The following CSNK2A2IP variants were observed in gnomAD, a reference collection of about 807,000 sequenced individuals.
The protein encoded by CSNK2A2IP is casein kinase 2 subunit alpha' interacting protein.
chr3:88,397,764 T>TC, the CSNK2A2IP span, among the ~76,000 whole-genome samples: 1 of 53,084 alleles, frequency 1.9e-5, no homozygotes, highest in East Asian at 4.5e-4. Flanking sequence ...ATCTCCTATC[T>TC]CTTTTTTTTT....
At chr3:88,351,878 A>T in the CSNK2A2IP span, among the ~76,000 whole-genome samples, 1 of 152,046 alleles carries the variant, frequency 6.6e-6, no homozygotes, top group Non-Finnish European at 1.5e-5. Context: ...AAGTCACCAG[A>T]TTTTCAGAGT....
At chr3:88,411,339 ACTCT>A in the CSNK2A2IP span, among the ~76,000 whole-genome samples, 6 of 149,684 alleles carry the variant, frequency 4.0e-5, no homozygotes, top group African/African-American at 7.5e-5. Flanking sequence ...TAGCTCACTC[ACTCT>A]ATCTATCATC....
chr3:88,460,434 C>G, the CSNK2A2IP span, among the ~76,000 whole-genome samples: 2 of 152,146 alleles, frequency 1.3e-5, no homozygotes, highest in Admixed American at 6.5e-5. Context: ...ACGTTCTTCA[C>G]TACCTGCCCC....
chr3:88,441,662 T>C, the CSNK2A2IP span, among the ~76,000 whole-genome samples: 4 of 152,176 alleles, frequency 2.6e-5, no homozygotes, highest in African/African-American at 9.6e-5. Flanking sequence ...CTTGTGTAGT[T>C]AGGTAGAATT....
At chr3:88,446,105 T>TTTC in the CSNK2A2IP span, among the ~76,000 whole-genome samples, 1 of 145,740 alleles carries the variant, frequency 6.9e-6, no homozygotes, top group East Asian at 2.0e-4. Context: ...TTTCTTTTTT[T>TTTC]CTTTCTTTCT....
chr3:88,396,807 G>T, the CSNK2A2IP span, among the ~76,000 whole-genome samples: 2 of 152,172 alleles, frequency 1.3e-5, no homozygotes, highest in Non-Finnish European at 2.9e-5. Context: ...GTGGATTGGA[G>T]TAAAGCCATA....
chr3:88,434,327 TA>T, the CSNK2A2IP span, among the ~76,000 whole-genome samples: 1 of 151,320 alleles, frequency 6.6e-6, no homozygotes, highest in African/African-American at 2.4e-5. Flanking sequence ...GTAAAGAGAT[TA>T]AGTGAGGTGG....
the CSNK2A2IP span, among the ~76,000 whole-genome samples, chr3:88,374,904 G>A: frequency 1.3e-4 from 19 of 151,594 alleles, no homozygotes; most frequent in Non-Finnish European, 2.7e-4. Context: ...ATCAGGGTAG[G>A]AAGGAAAAGA....
At chr3:88,364,326 A>G in the CSNK2A2IP span, among the ~76,000 whole-genome samples, 2 of 151,782 alleles carry the variant, frequency 1.3e-5, no homozygotes, top group Non-Finnish European at 1.5e-5. Context: ...AAATCTAGTT[A>G]TTGTTACTTC....
chr3:88,387,830 A>G, the CSNK2A2IP span, among the ~76,000 whole-genome samples: 5 of 152,244 alleles, frequency 3.3e-5, no homozygotes, highest in Middle Eastern at 3.4e-3. Context: ...AGCCCAAGGG[A>G]TCCTTCTGTC....
the CSNK2A2IP span, among the ~76,000 whole-genome samples, chr3:88,411,308 A>T: frequency 6.6e-6 from 1 of 151,860 alleles, no homozygotes; most frequent in Admixed American, 6.6e-5. Flanking sequence ...TCTACAAGTG[A>T]CATAAAATTT....
the CSNK2A2IP span, among the ~76,000 whole-genome samples, chr3:88,374,808 G>C: frequency 6.6e-6 from 1 of 151,602 alleles, no homozygotes; most frequent in South Asian, 2.1e-4. Flanking sequence ...TTGCTTCTTT[G>C]GGTCAAATAA....
the CSNK2A2IP span, among the ~76,000 whole-genome samples, chr3:88,430,519 A>G: frequency 3.3e-5 from 5 of 152,132 alleles, no homozygotes; most frequent in Non-Finnish European, 5.9e-5. Flanking sequence ...TTAGTCATCC[A>G]TAGGATAAAT....
At chr3:88,362,793 C>T in the CSNK2A2IP span, among the ~76,000 whole-genome samples, 1 of 152,152 alleles carries the variant, frequency 6.6e-6, no homozygotes, top group South Asian at 2.1e-4. Flanking sequence ...CAGGAATCTA[C>T]CTAGTGCTTT....
the CSNK2A2IP span, among the ~76,000 whole-genome samples, chr3:88,461,761 C>T: frequency 6.6e-6 from 1 of 151,756 alleles, no homozygotes; most frequent in Non-Finnish European, 1.5e-5. Flanking sequence ...TAAATATGCA[C>T]TTTATTGATT....
At chr3:88,429,924 T>C in the CSNK2A2IP span, among the ~76,000 whole-genome samples, 1 of 151,662 alleles carries the variant, frequency 6.6e-6, no homozygotes, top group Non-Finnish European at 1.5e-5. Context: ...GGCTAATTTT[T>C]TTTTTTTTTT....
chr3:88,407,337 T>G, the CSNK2A2IP span, among the ~76,000 whole-genome samples: 1 of 149,880 alleles, frequency 6.7e-6, no homozygotes, highest in Non-Finnish European at 1.5e-5. Context: ...TGAATGCATA[T>G]TCATGCATAT....
chr3:88,389,898 G>T, the CSNK2A2IP span, among the ~76,000 whole-genome samples: 1 of 151,696 alleles, frequency 6.6e-6, no homozygotes, highest in Non-Finnish European at 1.5e-5. Flanking sequence ...AAAAGTAATG[G>T]CTGGGTTCTG....
chr3:88,448,312 TGTCAATGTCTGTCTTG>T, the CSNK2A2IP span, among the ~76,000 whole-genome samples: 3 of 152,232 alleles, frequency 2.0e-5, no homozygotes, highest in Non-Finnish European at 4.4e-5. Context: ...AGAATGTCTA[TGTCAATGTCTGTCTTG>T]GTCAATGTCT....
Sources: allele counts gnomAD v4.1 joint callset (sites outside exome capture counted in the v4.1 genomes callset), GRCh38; gene constraint gnomAD v4.1.1; transcripts MANE v1.5; gene names NCBI Gene and HGNC (gene_info 2026-07-23, HGNC 2026-07-21).